The following NSMCE2 variants were observed in gnomAD, a reference collection of about 807,000 sequenced individuals.
NSMCE2 encodes NSE2 SUMO ligase component of SMC5/6 complex.
A neutral mutation model predicts 23.8 loss-of-function variants in NSMCE2; 24 were observed. That is an observed-to-expected ratio of 1.01 (90% CI 0.73 to 1.42). The LOEUF (loss-of-function observed/expected upper bound fraction) is 1.42, where lower values mean the gene tolerates loss of function less well. NSMCE2 is among the 40% of genes most tolerant of loss of function. The pLI, the probability that NSMCE2 is intolerant of heterozygous loss-of-function variation, is 0.00. For synonymous variants in NSMCE2, 92 were observed against 94.1 expected (o/e 0.98, Z 0.13); for missense variants, 284 against 296.5 (o/e 0.96, Z 0.31).
At chr8:125,291,986 A>G (rs1828125620) in intron 5 of NSMCE2, among the ~76,000 whole-genome samples, 1 of 152,050 alleles carries the variant, frequency 6.6e-6, no homozygotes, top group Non-Finnish European at 1.5e-5. Flanking sequence ...TCCCGCACTC[A>G]ATTCATTCAA....
intron 1 of NSMCE2, among the ~76,000 whole-genome samples, chr8:125,094,277 G>A (rs1240024822): frequency 6.6e-6 from 1 of 152,180 alleles, no homozygotes; most frequent in Non-Finnish European, 1.5e-5. Context: ...CACTAACAAA[G>A]TGGAGTGACT....
At chr8:125,362,091 G>T (rs150823623) in intron 7 of NSMCE2, among the ~76,000 whole-genome samples, 1 of 152,196 alleles carries the variant, frequency 6.6e-6, no homozygotes, top group East Asian at 1.9e-4. Context: ...CTGGAGGTGG[G>T]GACCCAGCCG....
intron 4 of NSMCE2, among the ~76,000 whole-genome samples, chr8:125,160,392 A>G (rs1392639116): frequency 6.6e-6 from 1 of 152,192 alleles, no homozygotes; most frequent in Non-Finnish European, 1.5e-5. Flanking sequence ...GCAGGAAACC[A>G]TCGGGAAAGG....
chr8:125,341,868 A>G (rs1044518029), intron 5 of NSMCE2, among the ~76,000 whole-genome samples: 1 of 136,212 alleles, frequency 7.3e-6, no homozygotes, highest in Non-Finnish European at 1.5e-5. Flanking sequence ...TCGAGAGTCC[A>G]TGTGCAATGC....
chr8:125,241,198 A>C (rs1825752416), intron 5 of NSMCE2, among the ~76,000 whole-genome samples: 1 of 152,216 alleles, frequency 6.6e-6, no homozygotes, highest in Non-Finnish European at 1.5e-5. Context: ...TTGTATTTTC[A>C]GATTAAGGAT....
At chr8:125,193,466 A>C (rs909097252) in intron 5 of NSMCE2, among the ~76,000 whole-genome samples, 4 of 152,246 alleles carry the variant, frequency 2.6e-5, no homozygotes, top group Non-Finnish European at 5.9e-5. Flanking sequence ...ATATTTTTTA[A>C]ACCACATTCA....
intron 5 of NSMCE2, among the ~76,000 whole-genome samples, chr8:125,226,526 T>C (rs1464229406): frequency 6.6e-6 from 1 of 152,128 alleles, no homozygotes; most frequent in East Asian, 1.9e-4. Context: ...ATCTCATTCG[T>C]GATGCTTGGG....
intron 3 of NSMCE2, among the ~76,000 whole-genome samples, chr8:125,140,294 C>G (rs1215948508): frequency 6.6e-6 from 1 of 152,112 alleles, no homozygotes; most frequent in Non-Finnish European, 1.5e-5. Context: ...CAAAATACCC[C>G]CATTTGTTAA....
At chr8:125,236,609 G>A (rs1460386173) in intron 5 of NSMCE2, among the ~76,000 whole-genome samples, 1 of 152,064 alleles carries the variant, frequency 6.6e-6, no homozygotes, top group African/African-American at 2.4e-5. Flanking sequence ...CTGAGAGACA[G>A]GAAGGGCATG....
intron 3 of NSMCE2, among the ~76,000 whole-genome samples, chr8:125,145,074 C>T (rs1275652309): frequency 1.3e-5 from 2 of 152,174 alleles, no homozygotes; most frequent in Non-Finnish European, 2.9e-5. Flanking sequence ...GAGCACTTCA[C>T]TCTAAAAAGA....
intron 5 of NSMCE2, among the ~76,000 whole-genome samples, chr8:125,286,487 A>G (rs949700970): frequency 3.3e-5 from 5 of 151,308 alleles, no homozygotes; most frequent in Non-Finnish European, 5.9e-5. Flanking sequence ...AATTTTTTGT[A>G]TTTTTAGTAG....
chr8:125,151,310 G>T, intron 4 of NSMCE2, 33 bp downstream of exon 4: 1 of 1,099,790 alleles, frequency 9.1e-7, no homozygotes. Flanking sequence ...TTATATATTT[G>T]GTTACAACTC....
At chr8:125,115,988 G>A (rs1818989860) in intron 3 of NSMCE2, among the ~76,000 whole-genome samples, 1 of 152,124 alleles carries the variant, frequency 6.6e-6, no homozygotes, top group Non-Finnish European at 1.5e-5. Flanking sequence ...CTTACCATAA[G>A]GCACACACCC....
At chr8:125,123,144 A>C (rs1819349708) in intron 3 of NSMCE2, among the ~76,000 whole-genome samples, 1 of 152,218 alleles carries the variant, frequency 6.6e-6, no homozygotes, top group South Asian at 2.1e-4. Flanking sequence ...TTTTCTGGCC[A>C]ACTCATTAAA....
At chr8:125,208,641 A>C (rs916740393) in intron 5 of NSMCE2, among the ~76,000 whole-genome samples, 6 of 152,224 alleles carry the variant, frequency 3.9e-5, no homozygotes, top group Non-Finnish European at 8.8e-5. Flanking sequence ...CAAATGATTG[A>C]GTGCCAGCGT....
rs7812636 is a variant in NSMCE2 at position 125,266,162 on chromosome 8, G to A, written c.418+83906G>A. On this transcript the variant is annotated intron_variant, in intron 5 of 7. Transcript: ENST00000287437. ...GGCTGGAGTGCAATGCGCGATCTCC[G>A]CTCACCGCAACCTCCGCCTCCCAGG... is the stretch of plus-strand genomic sequence containing the variant. 3.2e-3 allele frequency among the ~76,000 whole-genome samples: 458 copies of A among 144,880 alleles called. 3 individuals are homozygous for A. Among genetic ancestry groups the A allele is most frequent in the African/African-American group, 0.011 (448 of 39,590 alleles).
Position 125,357,316 on chromosome 8 carries a change from A to G in NSMCE2, c.516A>G (p.Thr172=). ...QSQTNFTCPI[T]KEEMKKPVKN... ...AGACCAACTTCACCTGCCCCATTAC[A>G]AAGGTACCGCTTCCTCCTACTTCCC... The change falls in exon 6 of 8, where the codon ACA becomes ACG. Residue 172 remains threonine, a synonymous_variant. Transcript: ENST00000287437. 1 of 1,587,194 alleles carries G rather than the reference A, an allele frequency of 6.3e-7. No individual in the cohort carries two copies.
rs567131900 is a variant in NSMCE2 at position 125,259,322 on chromosome 8, C to T, written c.418+77066C>T. Among the ~76,000 whole-genome samples, 5 of 152,208 alleles carry T rather than the reference C, an allele frequency of 3.3e-5. No individual in the cohort carries two copies. The East Asian group carries it at 5.8e-4, about 18-fold the overall frequency. ...GTCGGTGGCCTGTTAGGAACTGGGC[C>T]GCACAGCAGGAGGTGAGCAGCCCAC... On this transcript the variant is annotated intron_variant, in intron 5 of 7. Coordinates refer to ENST00000287437, the MANE Select transcript of NSMCE2 (RefSeq NM_173685.4).
At chr8:125,213,607 TTCC>T (rs1242566092) in intron 5 of NSMCE2, among the ~76,000 whole-genome samples, 1 of 141,446 alleles carries the variant, frequency 7.1e-6, no homozygotes, top group African/African-American at 2.6e-5. Flanking sequence ...TTCCTTTCCT[TTCC>T]TCTTCTCTTA....
Sources: gnomAD v4.1 joint callset for allele counts (sites outside exome capture counted in the v4.1 genomes callset) on GRCh38, gnomAD v4.1.1 for gene constraint, MANE v1.5 for transcripts, NCBI Gene and HGNC (gene_info 2026-07-23, HGNC 2026-07-21) for gene names.